Variants in PTPN2 observed in about 807,000 individuals in gnomAD.
PTPN2 encodes tyrosine-protein phosphatase non-receptor type 2.
Under a neutral mutation model 57.3 loss-of-function variants are expected in PTPN2, and 19 were observed. The observed-to-expected ratio is 0.33, with a 90% CI of 0.23 to 0.49. The LOEUF (loss-of-function observed/expected upper bound fraction) is 0.49, where lower values mean the gene tolerates loss of function less well. Ranked by LOEUF, PTPN2 falls within the 20% of genes least tolerant of loss-of-function variation. The pLI is 0.99. For synonymous variants in PTPN2, 153 were observed against 164.9 expected (o/e 0.93, Z 0.55); for missense variants, 358 against 501.1 (o/e 0.71, Z 2.73).
intron 2 of PTPN2, among the ~76,000 whole-genome samples, chr18:12,846,488 A>G (rs564094235): frequency 1.3e-5 from 2 of 152,294 alleles, no homozygotes; most frequent in South Asian, 4.1e-4. Context: ...ATTTATTTTC[A>G]TGCTCAGATT....
chr18:12,868,411 T>C (rs2044068784), intron 1 of PTPN2, among the ~76,000 whole-genome samples: 1 of 151,970 alleles, frequency 6.6e-6, no homozygotes, highest in Non-Finnish European at 1.5e-5. Flanking sequence ...CACATCACCA[T>C]GCCTGGCTAA....
rs953045579 is a variant in PTPN2, at chr18:12,830,598, T to G, written c.360+345A>C. 6.6e-5 allele frequency among the ~76,000 whole-genome samples: 10 copies of G among 152,262 alleles called. No individual in the cohort carries two copies. In the East Asian group the frequency reaches 1.7e-3, roughly 26 times the overall value. ...AGCAATTATGAAATGTAGAATAAAG[T>G]AAGAAATCTGAAGTAGAACAGTACA... On this transcript the variant is annotated intron_variant, in intron 4 of 8. Coordinates refer to ENST00000309660, the MANE Select transcript of PTPN2 (RefSeq NM_002828.4).
intron 3 of PTPN2, among the ~76,000 whole-genome samples, chr18:12,831,753 G>A (rs1406549477): frequency 1.3e-5 from 2 of 152,150 alleles, no homozygotes; most frequent in Admixed American, 1.3e-4. Flanking sequence ...CAGTATGTAC[G>A]GCCTCAATGG....
At chr18:12,788,723 T>A (rs2040907668), downstream of PTPN2, among the ~76,000 whole-genome samples, 1 of 152,014 alleles carries the variant, frequency 6.6e-6, no homozygotes, top group South Asian at 2.1e-4. Context: ...GAGAAAAGGC[T>A]CAGCAATGGC....
chr18:12,861,876 A>C (rs912353534), intron 1 of PTPN2, among the ~76,000 whole-genome samples: 1 of 152,248 alleles, frequency 6.6e-6, no homozygotes, highest in African/African-American at 2.4e-5. Flanking sequence ...CTTTGTGTGC[A>C]CTATACAAAA....
intron 8 of PTPN2, among the ~76,000 whole-genome samples, chr18:12,797,302 G>A (rs766909422): frequency 1.3e-5 from 2 of 151,966 alleles, no homozygotes; most frequent in Non-Finnish European, 2.9e-5. Context: ...TTGCGGTATA[G>A]AAGGCAATTA....
In PTPN2 at chr18:12,794,196, G is replaced by A. The variant is rs2041076373; in HGVS notation, c.*82C>T. ...TACTGCACCGTTTTTGGGATATGAG[G>A]CGTTTGCTGCAGACAAACCCCTATG... On this transcript the variant is annotated 3_prime_UTR_variant, in exon 9 of 9. Transcript: ENST00000309660. 1.3e-6 allele frequency: 2 copies of A among 1,573,804 alleles called. No individual in the cohort carries two copies. Among genetic ancestry groups the A allele is most frequent in the East Asian group, 4.5e-5 (2 of 44,684 alleles).
chr18:12,794,586 T>G, intron 8 of PTPN2, 101 bp from the exon 9 acceptor site: 1 of 1,364,340 alleles, frequency 7.3e-7, no homozygotes, highest in Non-Finnish European at 9.9e-7. Flanking sequence ...TCCACATAGT[T>G]TTCACCCTAT....
intron 8 of PTPN2, among the ~76,000 whole-genome samples, chr18:12,800,125 C>A (rs1401132831): frequency 6.6e-6 from 1 of 152,046 alleles, no homozygotes; most frequent in Non-Finnish European, 1.5e-5. Context: ...CACACACAGA[C>A]CCCATAAAAC....
downstream of PTPN2, chr18:12,787,746 G>C (rs906989119): frequency 6.6e-6 from 1 of 152,190 alleles, no homozygotes; most frequent in Non-Finnish European, 1.5e-5. Context: ...AGATTCACTT[G>C]AATCAATTTT....
Position 12,792,917 on chromosome 18 carries a change from C to G in PTPN2, c.*1361G>C, listed in dbSNP as rs1375245402. On this transcript the variant is annotated 3_prime_UTR_variant, in exon 9 of 9. Coordinates refer to ENST00000309660, the MANE Select transcript of PTPN2 (RefSeq NM_002828.4). The stretch of plus-strand genomic sequence containing the variant: ...AACTGTTTTTAAATGATAACTGCCC[C>G]CTTTAAAATACTTAAGCCTTATGCA... 1.0e-6 allele frequency: 1 copy of G among 984,324 alleles called. No individual in the cohort carries two copies. Among genetic ancestry groups the G allele is most frequent in the Non-Finnish European group, 1.2e-6 (1 of 829,044 alleles). 61.0% of individuals were successfully genotyped at this position (984,324 alleles called of 1,614,324 possible). A position where few individuals can be genotyped will look rare whatever the true frequency, so the allele number is the denominator to read the frequency against.
At chr18:12,822,929 G>A (rs574080088) in intron 5 of PTPN2, among the ~76,000 whole-genome samples, 1 of 152,138 alleles carries the variant, frequency 6.6e-6, no homozygotes, top group Non-Finnish European at 1.5e-5. Context: ...AAGTAGGTAC[G>A]TTATCACCCT....
chr18:12,814,504 C>A (rs1045234462), intron 6 of PTPN2, 149 bp from the exon 7 acceptor site: 3 of 646,172 alleles, frequency 4.6e-6, no homozygotes, highest in Non-Finnish European at 7.7e-6. Flanking sequence ...CTGTTATGTA[C>A]ACAACAACTA....
intron 5 of PTPN2, among the ~76,000 whole-genome samples, chr18:12,822,928 C>G (rs907175479): frequency 6.6e-6 from 1 of 152,088 alleles, no homozygotes; most frequent in Admixed American, 6.5e-5. Context: ...GAAGTAGGTA[C>G]GTTATCACCC....
Position 12,833,459 on chromosome 18 carries a change from A to C in PTPN2, c.262-2418T>G, listed in dbSNP as rs683351. On this transcript the variant is annotated intron_variant, in intron 3 of 8. Coordinates refer to ENST00000309660, the MANE Select transcript of PTPN2 (RefSeq NM_002828.4). ...TAGTACAAGAGTATGGGCAAATTAAACCATCAGGTCTTAGGGAGCAGGAAA... is the reference window on the plus strand; with the variant it reads ...TAGTACAAGAGTATGGGCAAATTAACCCATCAGGTCTTAGGGAGCAGGAAA... Among the ~76,000 whole-genome samples the C allele has an allele frequency of 8.7e-3, 1,325 of 152,256 alleles. 6 individuals carry two copies. Among genetic ancestry groups the C allele is most frequent in the Non-Finnish European group, 0.014 (961 of 68,012 alleles).
chr18:12,817,402 CT>C (rs1598777161), intron 5 of PTPN2, 37 bp from the exon 6 acceptor site: 4 of 1,524,714 alleles, frequency 2.6e-6, no homozygotes, highest in Non-Finnish European at 3.6e-6. Context: ...TTAGTTCTAA[CT>C]TTTTTCTTTT....
At chr18:12,813,255 T>C (rs2041958691) in intron 7 of PTPN2, among the ~76,000 whole-genome samples, 1 of 152,186 alleles carries the variant, frequency 6.6e-6, no homozygotes, top group South Asian at 2.1e-4. Flanking sequence ...CTGAAATAAC[T>C]TTTACTTCAC....
At chr18:12,835,942 G>A (rs2042848770) in intron 3 of PTPN2, among the ~76,000 whole-genome samples, 1 of 152,014 alleles carries the variant, frequency 6.6e-6, no homozygotes, top group Non-Finnish European at 1.5e-5. Context: ...ACTACCTCAA[G>A]TAAAAAATGC....
chr18:12,882,162 T>C lies in PTPN2; in HGVS notation c.69+1911A>G, dbSNP rs151287999. Among the ~76,000 whole-genome samples the C allele has an allele frequency of 2.0e-3, 304 of 152,318 alleles. 1 individual carries two copies. The highest frequency in any genetic ancestry group is 6.8e-3 in the African/African-American group (281 of 41,566). On this transcript the variant is annotated intron_variant, in intron 1 of 8. Coordinates refer to ENST00000309660, the MANE Select transcript of PTPN2 (RefSeq NM_002828.4). ...GAACACATAGCTCAAACTTCCTGAC[T>C]TGCTTTCCATTACTAACTTTCTTGG...
Sources: gnomAD v4.1 joint callset for allele counts (sites outside exome capture counted in the v4.1 genomes callset) on GRCh38, gnomAD v4.1.1 for gene constraint, MANE v1.5 for transcripts, NCBI Gene and HGNC (gene_info 2026-07-23, HGNC 2026-07-21) for gene names.